The following SNAPC4 variants were observed in gnomAD, a reference collection of about 807,000 sequenced individuals.
SNAPC4 encodes the protein small nuclear RNA activating complex polypeptide 4, also known as snRNA-activating protein complex subunit 4.
Under a neutral mutation model 151.3 loss-of-function variants are expected in SNAPC4, and 127 were observed. The observed-to-expected ratio is 0.84, with a 90% confidence interval of 0.73 to 0.97. The LOEUF (loss-of-function observed/expected upper bound fraction) is 0.97, where lower values mean the gene tolerates loss of function less well. SNAPC4 is among the 50% of genes least tolerant of loss of function. The pLI is 0.00. For missense variants in SNAPC4, 2,186 were observed against 1,935.0 expected, an observed-to-expected ratio of 1.13 and a Z score of -2.43; for synonymous variants, 1,002 against 824.4, an observed-to-expected ratio of 1.22 and a Z score of -3.69.
Position 136,377,684 on chromosome 9 carries a change from C to T in SNAPC4, c.4143G>A (p.Leu1381=), listed in dbSNP as rs1412595361. The stretch of plus-strand genomic sequence containing the variant: ...GGGTGGTGCGGACGCCTTGGGGGGC[C>T]AGGGTGGCCAGGAGCGCAGGGAGGG... The part of the protein sequence containing the change: ...AFTLPALLAT[L]APQGVRTTLS... Residue 1381 remains leucine (L), a synonymous_variant, in exon 22 of 24, where the codon CTG becomes CTA. Transcript: ENST00000684778. The T allele has an allele frequency of 6.2e-7, 1 of 1,607,882 alleles. No homozygotes were observed. The highest frequency in any genetic ancestry group is 1.7e-5 in the Admixed American group (1 of 59,720).
At chr9:136,398,157 C>A in intron 2 of SNAPC4, 142 bp downstream of exon 2, 1 of 740,140 alleles carries the variant, frequency 1.4e-6, no homozygotes, top group Non-Finnish European at 2.2e-6. Context: ...ATGCTCTCAC[C>A]TCAGCCTCAG....
Position 136,379,064 on chromosome 9 carries a change from C to A in SNAPC4, c.2763G>T (p.Leu921=), listed in dbSNP as rs1833589275. The change falls in exon 22 of 24, where the codon CTG becomes CTT. Residue 921 remains leucine (L), a synonymous_variant. Transcript: ENST00000684778. ...GGAGGATCACAGACGAGGAGACCAG[C>A]AGCTGGGACGGGAGCACCACCGGGC... ...TRGPVVLPSQ[L]LVSSSVILQP... The A allele has an allele frequency of 1.3e-6, 2 of 1,583,662 alleles. No homozygotes were observed. Among genetic ancestry groups the A allele is most frequent in the Non-Finnish European group, 1.7e-6 (2 of 1,165,634 alleles).
chr9:136,393,309 T>C (rs1372349345), intron 7 of SNAPC4, among the ~76,000 whole-genome samples: 1 of 152,188 alleles, frequency 6.6e-6, no homozygotes, highest in African/African-American at 2.4e-5. Context: ...GCCCTCTCAG[T>C]GCCCAGAGAT....
chr9:136,388,912 C>A (rs1048921074), intron 10 of SNAPC4, among the ~76,000 whole-genome samples: 1 of 152,230 alleles, frequency 6.6e-6, no homozygotes, highest in Non-Finnish European at 1.5e-5. Context: ...AACAGAAACT[C>A]CCAGCTTGGC....
rs1285528550 is a variant in SNAPC4 at position 136,400,152 on chromosome 9, C to A, written c.-28G>T. The A allele has an allele frequency of 6.6e-6, 1 of 152,134 alleles. No homozygotes were observed. The highest frequency in any genetic ancestry group is 1.5e-5 in the Non-Finnish European group (1 of 68,000). The allele number at this position is 152,134 out of a possible 1,614,324, so 9.4% of individuals were successfully genotyped here. ...ACCTTACCTGGCCGCGCGGACCCCG[C>A]CGTCGCCCGGGCGACTGCAGACTCG... On this transcript the variant is annotated 5_prime_UTR_variant, in exon 1 of 24. Coordinates refer to ENST00000684778, the MANE Select transcript of SNAPC4 (RefSeq NM_003086.4).
chr9:136,388,410 C>G (rs747603383), intron 11 of SNAPC4, 34 bp downstream of exon 11: 33 of 1,603,200 alleles, frequency 2.1e-5, no homozygotes, highest in Non-Finnish European at 2.8e-5. Context: ...GGCCCTGTGA[C>G]AGCCTGAGAG....
At position 136,394,309 on chromosome 9, in the gene SNAPC4, A is replaced by G. The variant is rs1427333237; in HGVS notation, c.572T>C (p.Leu191Ser). ...GTCACTCACCACTGACTTTCGGAGC[A>G]AGGCCTTTTCCCAGTTTTTCCCTGA... is the stretch of plus-strand genomic sequence containing the variant. ...VTKWKNWEKA[L>S]LRKSVVSDRL... Residue 191 changes from leucine to serine, a missense_variant, in exon 7 of 24, where the codon TTG (leucine) becomes TCG (serine). Transcript: ENST00000684778. 6.2e-7 allele frequency: 1 copy of G among 1,613,766 alleles called. No homozygotes were observed. The highest frequency in any genetic ancestry group is 8.5e-7 in the Non-Finnish European group (1 of 1,179,952).
intron 10 of SNAPC4, among the ~76,000 whole-genome samples, chr9:136,390,213 G>A (rs368253380): frequency 1.8e-4 from 27 of 152,134 alleles, no homozygotes; most frequent in African/African-American, 5.8e-4. Context: ...CCAGCTGCAC[G>A]CTGCTTTCAT....
chr9:136,378,004 A>G lies in SNAPC4; in HGVS notation c.3823T>C (p.Ser1275Pro), dbSNP rs746532470. 3.1e-6 allele frequency: 5 copies of G among 1,600,188 alleles called. No homozygotes were observed. The highest frequency in any genetic ancestry group is 4.5e-5 in the East Asian group (2 of 44,468). Residue 1275 changes from serine to proline, a missense_variant, in exon 22 of 24, where the codon TCC (serine) becomes CCC (proline). Physicochemically the swap from Ser to Pro is moderately conservative, Grantham distance 74. Transcript: ENST00000684778. ...TGTGTGGCCGCCTCGCCCTCCTGGG[A>G]CAGCAGGCCCAGGTCCAGGGCCCCC... Reference protein sequence around the residue: ...EKGALDLGLLSQEGEAATQQW... With the variant: ...EKGALDLGLLPQEGEAATQQW...
At chr9:136,393,222 G>A (rs10870116) in intron 7 of SNAPC4, among the ~76,000 whole-genome samples, 30,209 of 152,202 alleles carry the variant, frequency 0.2, 3,268 homozygotes, top group Admixed American at 0.26. Flanking sequence ...GAGACCCACC[G>A]TCATCACTGC....
At chr9:136,395,547 T>TG (rs1471181647) in intron 4 of SNAPC4, 56 bp downstream of exon 4, 18 of 1,515,546 alleles carry the variant, frequency 1.2e-5, no homozygotes, top group Middle Eastern at 1.8e-4. Context: ...GGCCCAGCTG[T>TG]GGGGGGCTCT....
Position 136,383,884 on chromosome 9 carries a change from T to G in SNAPC4, c.1500+69A>C. On this transcript the variant is annotated intron_variant, in intron 15 of 23. Coordinates refer to ENST00000684778, the MANE Select transcript of SNAPC4 (RefSeq NM_003086.4). The surrounding 1 kb of genome is among the most constrained non-coding windows in gnomAD (Gnocchi z 4.2). ...ACGCCCCCCTCCCCTCCCCTCCTCCTGCCTGCTGGACCCCCCAGTTGACCA... is the reference window on the plus strand; with the variant it reads ...ACGCCCCCCTCCCCTCCCCTCCTCCGGCCTGCTGGACCCCCCAGTTGACCA... The G allele has an allele frequency of 3.7e-5, 41 of 1,101,046 alleles. No homozygotes were observed. Among genetic ancestry groups the G allele is most frequent in the Non-Finnish European group, 5.6e-5 (40 of 720,182 alleles). The allele number at this position is 1,101,046 out of a possible 1,614,324, so 68.2% of individuals were successfully genotyped here. A position where few individuals can be genotyped will look rare whatever the true frequency, so the allele number is the denominator to read the frequency against.
intron 23 of SNAPC4, among the ~76,000 whole-genome samples, chr9:136,376,013 T>TC (rs1291798880): frequency 6.6e-6 from 1 of 152,070 alleles, no homozygotes; most frequent in Non-Finnish European, 1.5e-5. Context: ...GGGATGGTGA[T>TC]CGTTTTACAA....
intron 20 of SNAPC4, 137 bp downstream of exon 20, chr9:136,380,603 T>G: frequency 4.9e-6 from 3 of 608,106 alleles, no homozygotes; most frequent in Non-Finnish European, 8.9e-6. Context: ...CTGCGTCCCC[T>G]CAGGTGGGAA....
At chr9:136,377,509 G>A in intron 22 of SNAPC4, 34 bp downstream of exon 22, 1 of 1,499,624 alleles carries the variant, frequency 6.7e-7, no homozygotes, top group Non-Finnish European at 8.9e-7. Flanking sequence ...ACCGCCGCCT[G>A]CCATGGGGAA....
chr9:136,379,588 G>T (rs568930350), intron 21 of SNAPC4, among the ~76,000 whole-genome samples: 2 of 152,328 alleles, frequency 1.3e-5, no homozygotes, highest in African/African-American at 4.8e-5. Context: ...GCGGACGCTC[G>T]CTCCAGACGA....
intron 10 of SNAPC4, among the ~76,000 whole-genome samples, chr9:136,391,020 G>A (rs1834055267): frequency 6.6e-6 from 1 of 152,064 alleles, no homozygotes; most frequent in Admixed American, 6.6e-5. Context: ...TTTTAGTAGA[G>A]ACGGGGTTTC....
intron 11 of SNAPC4, 44 bp from the exon 12 acceptor site, chr9:136,387,892 C>T (rs1833944015): frequency 9.2e-7 from 1 of 1,090,884 alleles, no homozygotes; most frequent in South Asian, 1.2e-5. Flanking sequence ...CCGAGACACA[C>T]ACCCTCCATA....
intron 11 of SNAPC4, among the ~76,000 whole-genome samples, chr9:136,388,100 T>C (rs909990910): frequency 1.2e-4 from 19 of 152,156 alleles, no homozygotes; most frequent in Non-Finnish European, 2.5e-4. Context: ...AAACCCCGTC[T>C]CTACTAAAAA....
Sources: gnomAD v4.1 joint callset for allele counts (sites outside exome capture counted in the v4.1 genomes callset) on GRCh38, gnomAD v4.1.1 for gene constraint, Gnocchi (gnomAD v3.1) non-coding constraint, MANE v1.5 for transcripts, NCBI Gene and HGNC (gene_info 2026-07-23, HGNC 2026-07-21) for gene names.